The following DGKQ variants were observed in gnomAD, a reference collection of about 807,000 sequenced individuals.
DGKQ encodes diacylglycerol kinase theta.
Under a neutral mutation model 104.2 loss-of-function variants are expected in DGKQ, and 97 were observed. That is an observed-to-expected ratio of 0.93 (90% CI 0.79 to 1.10). The LOEUF (loss-of-function observed/expected upper bound fraction) is 1.10. DGKQ is among the 50% of genes least tolerant of loss of function. The pLI, the probability that DGKQ is intolerant of heterozygous loss-of-function variation, is 0.00. For missense variants in DGKQ, 1,465 were observed against 1,352.1 expected (o/e 1.08, Z -1.31); for synonymous variants, 736 against 595.2 (o/e 1.24, Z -3.44).
At chr4:972,778 C>T (rs1199863083) in intron 1 of DGKQ, among the ~76,000 whole-genome samples, 2 of 152,218 alleles carry the variant, frequency 1.3e-5, no homozygotes, top group Non-Finnish European at 2.9e-5. Flanking sequence ...GGCTGGGACA[C>T]GCGCACCGGG....
chr4:970,663 C>A (rs1231382192), intron 2 of DGKQ, among the ~76,000 whole-genome samples: 1 of 152,216 alleles, frequency 6.6e-6, no homozygotes, highest in South Asian at 2.1e-4. Flanking sequence ...CCATCCCCCC[C>A]AGGAGCCCTC....
Position 967,324 on chromosome 4 carries a change from G to A in DGKQ, c.1025C>T (p.Pro342Leu), listed in dbSNP as rs562323950. ...CAGCCGGCACAGCTCCAGGTGGCCA[G>A]GGTCCTCGGGGATGTGGTGGGCCCG... ...ALRAHHIPED[P>L]GHLELCRLPP... Residue 342 changes from proline (P) to leucine (L), a missense_variant, in exon 9 of 23, where the codon CCT (proline) becomes CTT (leucine). Physicochemically the swap from Pro to Leu is moderately conservative, Grantham distance 98. Transcript: ENST00000273814. 2.3e-4 allele frequency: 361 copies of A among 1,538,352 alleles called. 4 individuals carry two copies. The South Asian group carries it at 3.9e-3, about 17-fold the overall frequency.
Position 963,255 on chromosome 4 carries a change from A to G in DGKQ, c.1770T>C (p.Leu590=). Residue 590 remains leucine, a synonymous_variant, in exon 16 of 23, where the codon CTT becomes CTC. Coordinates refer to ENST00000273814, the MANE Select transcript of DGKQ (RefSeq NM_001347.4). The stretch of plus-strand genomic sequence containing the variant: ...CTCCACTCTTGGGGTTCACGAACAC[A>G]AGGAGGGGACAGCTGTCTGGGGGCA... ...AKLPPDSCPL[L]VFVNPKSGGL... The G allele has an allele frequency of 6.2e-7, 1 of 1,610,190 alleles. No homozygotes were observed. Among genetic ancestry groups the G allele is most frequent in the Non-Finnish European group, 8.5e-7 (1 of 1,177,782 alleles).
Position 967,585 on chromosome 4 carries a change from G to A in DGKQ, c.951C>T (p.Val317=), listed in dbSNP as rs1377586. The A allele has an allele frequency of 0.45, 730,756 of 1,612,282 alleles. 167,549 individuals carry two copies. Among genetic ancestry groups the A allele is most frequent in the Admixed American group, 0.56 (33,392 of 59,998 alleles). Residue 317 remains valine (V), a synonymous_variant, in exon 8 of 23, where the codon GTC becomes GTT. Transcript: ENST00000273814. ...DAVRRSQFRL[V]TVSRLAGAEE... The stretch of plus-strand genomic sequence containing the variant: ...CGGCACCGGCCAGGCGGGACACCGT[G>A]ACGAGGCGGAACTGGCTTCTTCTCA...
At chr4:963,350 G>T in intron 15 of DGKQ, 60 bp from the exon 16 acceptor site, 1 of 1,512,054 alleles carries the variant, frequency 6.6e-7, no homozygotes, top group Non-Finnish European at 9.0e-7. Flanking sequence ...CCACTGCTGG[G>T]GTTGCCAGGC....
chr4:961,359 G>C, intron 21 of DGKQ, 108 bp downstream of exon 21: 1 of 1,318,558 alleles, frequency 7.6e-7, no homozygotes, highest in Non-Finnish European at 1.0e-6. Context: ...GCGGGGACCG[G>C]GGACGCCCAC....
intron 11 of DGKQ, 80 bp from the exon 12 acceptor site, chr4:966,607 C>T (rs1331287441): frequency 3.9e-6 from 6 of 1,524,634 alleles, no homozygotes; most frequent in Admixed American, 1.9e-5. Flanking sequence ...CCCCAGGGCC[C>T]GTGGGGATGC....
In DGKQ at chr4:961,548, G is replaced by A. The variant is rs201147779; in HGVS notation, c.2493C>T (p.Ser831=). The change falls in exon 21 of 23, where the codon TCC becomes TCT. Residue 831 remains serine (S), a synonymous_variant. Coordinates refer to ENST00000273814, the MANE Select transcript of DGKQ (RefSeq NM_001347.4). The stretch of plus-strand genomic sequence containing the variant: ...GCTTCTCAAACCTGGTGTCGCTGTC[G>A]GAGCCCCACAGGTCGGCCCCCGAGC... ...SWGSGADLWG[S]DSDTRFEKPR... 2.9e-4 allele frequency: 468 copies of A among 1,609,316 alleles called. No individual in the cohort carries two copies. The highest frequency in any genetic ancestry group is 3.7e-4 in the Non-Finnish European group (433 of 1,178,698).
At chr4:969,448 C>T (rs114658448) in intron 2 of DGKQ, among the ~76,000 whole-genome samples, 2,552 of 152,292 alleles carry the variant, frequency 0.017, 65 homozygotes, top group African/African-American at 0.059. Context: ...TGCTTTTCCA[C>T]GAGAAGGGAA....
intron 1 of DGKQ, 57 bp downstream of exon 1, chr4:973,155 C>A: frequency 7.0e-7 from 1 of 1,431,134 alleles, no homozygotes; most frequent in East Asian, 3.1e-5. Context: ...CTCAGGCTCC[C>A]GCCCACGGGG....
At position 964,820 on chromosome 4, in the gene DGKQ, G is replaced by A. The variant is rs561399967; in HGVS notation, c.1734+356C>T. 1.9e-3 allele frequency among the ~76,000 whole-genome samples: 286 copies of A among 152,280 alleles called. 3 individuals are homozygous for A. Among genetic ancestry groups the A allele is most frequent in the African/African-American group, 6.4e-3 (267 of 41,550 alleles). ...TGGCGAGGCAGCCGCAGCGGGGCCC[G>A]GCACATCCAGGAGCTGCGTCCTGTG... On this transcript the variant is annotated intron_variant, in intron 15 of 22. Transcript: ENST00000273814.
chr4:973,297 G>A lies in DGKQ; in HGVS notation c.186C>T (p.Ser62=), dbSNP rs766144176. 5 of 1,514,510 alleles carry A rather than the reference G, an allele frequency of 3.3e-6. No individual in the cohort carries two copies. The highest frequency in any genetic ancestry group is 2.9e-5 in the East Asian group (1 of 34,748). 93.8% of individuals were successfully genotyped at this position (1,514,510 alleles called of 1,614,324 possible). Residue 62 remains serine, a synonymous_variant, in exon 1 of 23, where the codon AGC becomes AGT. Coordinates refer to ENST00000273814, the MANE Select transcript of DGKQ (RefSeq NM_001347.4). ...APGPAAAPGH[S]FRKVTLTKPT... Reference sequence around the variant, plus strand: ...GCTTGGTGAGCGTCACCTTCCGGAAGCTGTGTCCCGGCGCGGCAGCGGGGC... The same window carrying A: ...GCTTGGTGAGCGTCACCTTCCGGAAACTGTGTCCCGGCGCGGCAGCGGGGC...
rs190556735 is a variant in DGKQ, at chr4:968,336, C to G, written c.609G>C (p.Thr203=). Residue 203 remains threonine (T), a synonymous_variant, in exon 5 of 23, where the codon ACG becomes ACC. Transcript: ENST00000273814. ...CGGCCAGCACGTCAGAGGAGCCGCACGTCTTCCTGCAGACCTCGCAGCGCG... is the reference window on the plus strand; with the variant it reads ...CGGCCAGCACGTCAGAGGAGCCGCAGGTCTTCCTGCAGACCTCGCAGCGCG... ...SGARCEVCRK[T]CGSSDVLAGV... is the part of the protein sequence containing the mutation. The G allele has an allele frequency of 4.0e-5, 62 of 1,538,328 alleles. 4 individuals are homozygous for G. Among genetic ancestry groups the G allele is most frequent in the East Asian group, 7.3e-5 (3 of 40,872 alleles).
intron 3 of DGKQ, 116 bp downstream of exon 3, chr4:968,695 G>A: frequency 7.4e-7 from 1 of 1,352,476 alleles, no homozygotes; most frequent in Non-Finnish European, 1.0e-6. Context: ...CTGCCAGGCG[G>A]CCAGCCCTTG....
At chr4:962,377 G>T in intron 18 of DGKQ, 58 bp downstream of exon 18, 1 of 1,475,390 alleles carries the variant, frequency 6.8e-7, no homozygotes, top group Non-Finnish European at 9.1e-7. Context: ...GTTGTGACGC[G>T]TGTAGCGGGG....
At position 962,632 on chromosome 4, in the gene DGKQ, C is replaced by T. The variant is rs1711976200; in HGVS notation, c.2036-19G>A. 2 of 1,604,116 alleles carry T rather than the reference C, an allele frequency of 1.2e-6. No homozygotes were observed. Among genetic ancestry groups the T allele is most frequent in the African/African-American group, 1.3e-5 (1 of 74,924 alleles). ...TCATTCCCTGGGACACAAGCAGACA[C>T]AGAGCATCTGTCCACACCCACCCGC... On this transcript the variant is annotated intron_variant, in intron 17 of 22. Coordinates refer to ENST00000273814, the MANE Select transcript of DGKQ (RefSeq NM_001347.4).
In DGKQ at chr4:971,302, G is replaced by A. The variant is rs901554596; in HGVS notation, c.272-230C>T. ...CTGACCATCCTGGAGGACAATGAGTGTATCCTCTCATCCAGAGAGCAGTCC... is the reference window on the plus strand; with the variant it reads ...CTGACCATCCTGGAGGACAATGAGTATATCCTCTCATCCAGAGAGCAGTCC... On this transcript the variant is annotated intron_variant, in intron 1 of 22. Transcript: ENST00000273814. This position sits in a 1 kb window ranked among gnomAD's most constrained non-coding sequence, Gnocchi z 4.0. Among the ~76,000 whole-genome samples the A allele has an allele frequency of 2.2e-4, 33 of 152,192 alleles. No homozygotes were observed. The highest frequency in any genetic ancestry group is 7.5e-4 in the African/African-American group (31 of 41,428).
rs576037204 is a variant in DGKQ, at chr4:971,306, C to G, written c.272-234G>C. Among the ~76,000 whole-genome samples the G allele has an allele frequency of 1.3e-5, 2 of 152,318 alleles. No homozygotes were observed. The highest frequency in any genetic ancestry group is 4.8e-5 in the African/African-American group (2 of 41,570). On this transcript the variant is annotated intron_variant, in intron 1 of 22. Transcript: ENST00000273814. This position sits in a 1 kb window ranked among gnomAD's most constrained non-coding sequence, Gnocchi z 4.0. ...CCATCCTGGAGGACAATGAGTGTAT[C>G]CTCTCATCCAGAGAGCAGTCCCTCC...
chr4:965,552 G>A lies in DGKQ; in HGVS notation c.1580-23C>T, dbSNP rs1197116811. On this transcript the variant is annotated intron_variant, in intron 13 of 22. Coordinates refer to ENST00000273814, the MANE Select transcript of DGKQ (RefSeq NM_001347.4). ...TGGCTGCAAAGGCAGGCTGTGGTCA[G>A]GGCGGTGGGAGGCGAAGGACACACA... 9.3e-6 allele frequency: 15 copies of A among 1,610,594 alleles called. No homozygotes were observed. The Admixed American group carries it at 1.7e-4, about 18-fold the overall frequency.
Sources: gnomAD v4.1 joint callset for allele counts (sites outside exome capture counted in the v4.1 genomes callset) on GRCh38, gnomAD v4.1.1 for gene constraint, Gnocchi (gnomAD v3.1) non-coding constraint, MANE v1.5 for transcripts, NCBI Gene and HGNC (gene_info 2026-07-23, HGNC 2026-07-21) for gene names.